FRAS1: variants seen among roughly 807,000 people sequenced by gnomAD.
FRAS1 encodes the protein Fraser extracellular matrix complex subunit 1, also known as extracellular matrix organizing protein FRAS1.
Under a neutral mutation model 435.2 loss-of-function variants are expected in FRAS1, and 290 were observed. The observed-to-expected ratio is 0.67, with a 90% CI of 0.61 to 0.73. The LOEUF (loss-of-function observed/expected upper bound fraction) is 0.73, where lower values mean the gene tolerates loss of function less well. FRAS1 is among the 30% of genes least tolerant of loss of function. FRAS1 has a pLI of 0.00. For missense variants in FRAS1, 4,860 were observed against 5,001.5 expected (o/e 0.97, Z 0.85); for synonymous variants, 1,800 against 1,851.0 (o/e 0.97, Z 0.71).
rs759348525 is a variant in FRAS1 at position 78,511,500 on chromosome 4, C to T, written c.10007C>T (p.Pro3336Leu). The change falls in exon 64 of 74, where the codon CCG (proline) becomes CTG (leucine). Residue 3336 changes from proline to leucine, a missense_variant. Coordinates refer to ENST00000512123, the MANE Select transcript of FRAS1 (RefSeq NM_025074.7). ...CTGGATGTCAAACATAAGGAGCATC[C>T]GAACAGGTCAGGCAGGTGGTGCCTT... ...KYLDVKHKEH[P>L]NRIHISVQIP... 6.8e-6 allele frequency: 11 copies of T among 1,612,172 alleles called. No individual in the cohort carries two copies. The highest frequency in any genetic ancestry group is 3.3e-5 in the Admixed American group (2 of 59,878).
intron 4 of FRAS1, among the ~76,000 whole-genome samples, chr4:78,247,282 A>C (rs1402026192): frequency 5.3e-5 from 8 of 152,166 alleles, no homozygotes; most frequent in Non-Finnish European, 1.2e-4. Context: ...GAATATACCC[A>C]TGTGTTGCTT....
intron 30 of FRAS1, among the ~76,000 whole-genome samples, chr4:78,403,627 T>C (rs1030677744): frequency 6.6e-6 from 1 of 152,136 alleles, no homozygotes; most frequent in African/African-American, 2.4e-5. Flanking sequence ...CAGAACCAAA[T>C]GTAAATTGCT....
At chr4:78,115,454 T>G (rs375561037) in intron 2 of FRAS1, among the ~76,000 whole-genome samples, 82 of 152,182 alleles carry the variant, frequency 5.4e-4, no homozygotes, top group South Asian at 1.0e-3. Context: ...GAATCCATCT[T>G]GTCCTGGACT....
At chr4:78,339,678 T>G (rs1730327440) in intron 20 of FRAS1, among the ~76,000 whole-genome samples, 1 of 152,174 alleles carries the variant, frequency 6.6e-6, no homozygotes, top group South Asian at 2.1e-4. Flanking sequence ...CTAACCTGGG[T>G]GACAAACATG....
intron 41 of FRAS1, 52 bp from the exon 42 acceptor site, chr4:78,445,470 T>C: frequency 6.8e-7 from 1 of 1,471,188 alleles, no homozygotes. Context: ...TTCAGCCTAG[T>C]AAGCAGGAAT....
At chr4:78,408,187 T>C (rs1733179614) in intron 31 of FRAS1, among the ~76,000 whole-genome samples, 1 of 151,856 alleles carries the variant, frequency 6.6e-6, no homozygotes, top group South Asian at 2.1e-4. Flanking sequence ...CTCACTACCA[T>C]GAGAACAGTA....
At chr4:78,467,663 T>C (rs1019387627) in intron 50 of FRAS1, among the ~76,000 whole-genome samples, 4 of 152,230 alleles carry the variant, frequency 2.6e-5, no homozygotes, top group African/African-American at 9.6e-5. Context: ...TTCTCTATAG[T>C]GGTTGTGCTA....
chr4:78,110,393 C>G lies in FRAS1; in HGVS notation c.108+44377C>G, dbSNP rs1293298509. On this transcript the variant is annotated intron_variant, in intron 2 of 73. Transcript: ENST00000512123. ...AACCAAAACAGCATGGTACTGGTACCAAAACAGAGATATAGATCAATGGAA... is the reference window on the plus strand; with the variant it reads ...AACCAAAACAGCATGGTACTGGTACGAAAACAGAGATATAGATCAATGGAA... 4.0e-5 allele frequency among the ~76,000 whole-genome samples: 5 copies of G among 123,462 alleles called. 1 individual carries two copies. The highest frequency in any genetic ancestry group is 2.1e-4 in the East Asian group (1 of 4,772). The allele number at this position is 123,462 out of a possible 152,430, so 81.0% of individuals were successfully genotyped here.
chr4:78,436,773 T>G (rs974907718), intron 38 of FRAS1, among the ~76,000 whole-genome samples: 1 of 152,168 alleles, frequency 6.6e-6, no homozygotes, highest in Non-Finnish European at 1.5e-5. Flanking sequence ...AAATATGTAT[T>G]CTGTAGTAAT....
intron 62 of FRAS1, among the ~76,000 whole-genome samples, chr4:78,508,452 CAG>C (rs1720909990): frequency 6.6e-6 from 1 of 152,110 alleles, no homozygotes; most frequent in Non-Finnish European, 1.5e-5. Flanking sequence ...GCAGGAAAAT[CAG>C]AGTATTTTTT....
At chr4:78,221,529 A>G (rs1724048729) in intron 2 of FRAS1, among the ~76,000 whole-genome samples, 1 of 152,224 alleles carries the variant, frequency 6.6e-6, no homozygotes, top group Admixed American at 6.5e-5. Flanking sequence ...TATCTCAGAA[A>G]TAAACCAGTT....
intron 15 of FRAS1, among the ~76,000 whole-genome samples, chr4:78,312,879 G>GAGAGAGAGAGAGAGAGAGAGAGAGAGAA (rs143465313): frequency 7.7e-6 from 1 of 129,072 alleles, no homozygotes; most frequent in Non-Finnish European, 1.7e-5. Flanking sequence ...GAGAGAGAGA[G>GAGAGAGAGAGAGAGAGAGAGAGAGAGAA]AGAAAGAAAG....
At chr4:78,385,777 C>A (rs756356536) in intron 28 of FRAS1, among the ~76,000 whole-genome samples, 1 of 151,242 alleles carries the variant, frequency 6.6e-6, no homozygotes, top group Admixed American at 6.6e-5. Flanking sequence ...CCCAGCTACT[C>A]GGGAGGCTGA....
intron 2 of FRAS1, among the ~76,000 whole-genome samples, chr4:78,138,359 G>T (rs151163617): frequency 6.6e-6 from 1 of 152,280 alleles, no homozygotes; most frequent in East Asian, 1.9e-4. Flanking sequence ...GTTTCTGGAG[G>T]ACTAGGCCTA....
chr4:78,156,106 G>A lies in FRAS1; in HGVS notation c.109-81404G>A, dbSNP rs557595224. Among the ~76,000 whole-genome samples, 10 of 152,226 alleles carry A rather than the reference G, an allele frequency of 6.6e-5. No homozygotes were observed. In the East Asian group the frequency reaches 1.9e-3, roughly 29 times the overall value. ...CTGTTTCTGGGCTCTTAGACACTTA[G>A]TCTCACAGCTTGATCCCAAATAATT... On this transcript the variant is annotated intron_variant, in intron 2 of 73. Coordinates refer to ENST00000512123, the MANE Select transcript of FRAS1 (RefSeq NM_025074.7).
chr4:78,501,433 G>A (rs2867454), intron 61 of FRAS1, among the ~76,000 whole-genome samples: 50,022 of 152,054 alleles, frequency 0.33, 8,960 homozygotes, highest in South Asian at 0.52. Context: ...ACATATGTGT[G>A]CATGTGTCTT....
chr4:78,483,627 A>G (rs2109860882), intron 58 of FRAS1, among the ~76,000 whole-genome samples: 1 of 151,854 alleles, frequency 6.6e-6, no homozygotes, highest in Non-Finnish European at 1.5e-5. Flanking sequence ...ATAGTAGTAA[A>G]CAATTCAAAT....
chr4:78,300,521 C>A (rs908371870), intron 14 of FRAS1, among the ~76,000 whole-genome samples: 1 of 151,970 alleles, frequency 6.6e-6, no homozygotes, highest in South Asian at 2.1e-4. Flanking sequence ...AGTCCAAGTC[C>A]CCTCTCACCT....
Position 78,169,774 on chromosome 4 carries a change from A to T in FRAS1, c.109-67736A>T, listed in dbSNP as rs1487039787. Among the ~76,000 whole-genome samples the T allele has an allele frequency of 8.2e-5, 4 of 49,020 alleles. No homozygotes were observed. The East Asian group carries it at 1.4e-3, about 17-fold the overall frequency. 32.2% of individuals were successfully genotyped at this position (49,020 alleles called of 152,430 possible). A position where few individuals can be genotyped will look rare whatever the true frequency, so the allele number is the denominator to read the frequency against. ...TTTTCTTCAGAGGATTATTTTCACAACTGAAACAAAACTTGGGACACCATC... is the reference window on the plus strand; with the variant it reads ...TTTTCTTCAGAGGATTATTTTCACATCTGAAACAAAACTTGGGACACCATC... On this transcript the variant is annotated intron_variant, in intron 2 of 73. Coordinates refer to ENST00000512123, the MANE Select transcript of FRAS1 (RefSeq NM_025074.7).
Sources: gnomAD v4.1 joint callset for allele counts (sites outside exome capture counted in the v4.1 genomes callset) on GRCh38, gnomAD v4.1.1 for gene constraint, MANE v1.5 for transcripts, NCBI Gene and HGNC (gene_info 2026-07-23, HGNC 2026-07-21) for gene names.